The following NRXN1 variants were observed in gnomAD, a reference collection of about 807,000 sequenced individuals.
NRXN1 encodes neurexin 1.
Under a neutral mutation model 150.9 loss-of-function variants are expected in NRXN1, and 39 were observed. That is an observed-to-expected ratio of 0.26 (90% CI 0.20 to 0.34). NRXN1 has a LOEUF of 0.34. Among genes scored for constraint, NRXN1 ranks in the 10% least tolerant of loss-of-function variants. The pLI, the probability that NRXN1 is intolerant of heterozygous loss-of-function variation, is 1.00. For missense variants in NRXN1, 1,815 were observed against 1,949.9 expected (o/e 0.93, Z 1.30); for synonymous variants, 924 against 757.0 (o/e 1.22, Z -3.62).
intron 13 of NRXN1, among the ~76,000 whole-genome samples, chr2:50,504,834 G>T (rs552115539): frequency 8.5e-5 from 13 of 152,248 alleles, no homozygotes; most frequent in African/African-American, 2.9e-4. Flanking sequence ...GCACTTGCAA[G>T]AAGCAAAATA....
chr2:50,140,556 G>A (rs1004831500), intron 18 of NRXN1, among the ~76,000 whole-genome samples: 4 of 152,166 alleles, frequency 2.6e-5, no homozygotes, highest in East Asian at 1.9e-4. Context: ...AAGTATTGCC[G>A]ACAGGAGAGA....
chr2:50,829,655 C>T (rs894612844), intron 5 of NRXN1: 39 of 1,611,664 alleles, frequency 2.4e-5, no homozygotes, highest in East Asian at 8.9e-5. Flanking sequence ...TGGTACGGGA[C>T]GGCATCATAA....
rs201630518 is a variant in NRXN1, at chr2:49,922,070, G to A, written c.4398C>T (p.Asp1466=). ...AGTTACTGATGTAGTTTCGACTCTCGTCCACATGGTATGAGCCTTCATCCC... is the reference window on the plus strand; with the variant it reads ...AGTTACTGATGTAGTTTCGACTCTCATCCACATGGTATGAGCCTTCATCCC... ...RNRDEGSYHV[D]ESRNYISNSA... Residue 1466 remains aspartate (D), a synonymous_variant, in exon 23 of 23, where the codon GAC becomes GAT. Coordinates refer to ENST00000401669, the MANE Select transcript of NRXN1 (RefSeq NM_001330078.2). 1.4e-5 allele frequency: 23 copies of A among 1,613,886 alleles called. No individual in the cohort carries two copies. Among genetic ancestry groups the A allele is most frequent in the Non-Finnish European group, 1.7e-5 (20 of 1,180,010 alleles).
In NRXN1 at chr2:50,989,024, A is replaced by T. The variant is rs188474545; in HGVS notation, c.772+38478T>A. ...ATATTTTCCCCTATTTTTCTTTTTT[A>T]AAAAAAATCCAGGAACTTGCGTCCT... On this transcript the variant is annotated intron_variant, in intron 2 of 22. Coordinates refer to ENST00000401669, the MANE Select transcript of NRXN1 (RefSeq NM_001330078.2). Among the ~76,000 whole-genome samples the T allele has an allele frequency of 7.2e-3, 1,094 of 151,598 alleles. 9 individuals are homozygous for T. Among genetic ancestry groups the T allele is most frequent in the African/African-American group, 0.025 (1,032 of 41,400 alleles).
chr2:49,982,423 A>G (rs1469847512), intron 21 of NRXN1, among the ~76,000 whole-genome samples: 1 of 152,042 alleles, frequency 6.6e-6, no homozygotes, highest in Non-Finnish European at 1.5e-5. Context: ...GAAATCACCA[A>G]TAACTCTTAG....
At chr2:49,935,855 A>G (rs1670935943) in intron 22 of NRXN1, among the ~76,000 whole-genome samples, 4 of 151,984 alleles carry the variant, frequency 2.6e-5, no homozygotes, top group Admixed American at 2.6e-4. Flanking sequence ...CATAAGAGGT[A>G]AACTTACCTT....
intron 8 of NRXN1, among the ~76,000 whole-genome samples, chr2:50,557,558 G>A (rs1023411848): frequency 2.3e-4 from 35 of 152,228 alleles, no homozygotes; most frequent in African/African-American, 4.8e-4. Flanking sequence ...CCTTGTGCAA[G>A]TTCCTCAACC....
chr2:49,972,942 T>A (rs1376281702), intron 21 of NRXN1: 1 of 152,538 alleles, frequency 6.6e-6, no homozygotes, highest in Non-Finnish European at 1.5e-5. Context: ...TTGTCTCCAC[T>A]CACTCCAAGC....
At chr2:50,014,680 TG>T (rs1369157013) in intron 21 of NRXN1, among the ~76,000 whole-genome samples, 2 of 152,166 alleles carry the variant, frequency 1.3e-5, no homozygotes, top group African/African-American at 4.8e-5. Context: ...GTTGAGGACA[TG>T]GATGCTAAAT....
chr2:50,175,487 T>C (rs548618361), intron 18 of NRXN1, among the ~76,000 whole-genome samples: 170 of 152,176 alleles, frequency 1.1e-3, no homozygotes, highest in Non-Finnish European at 1.8e-3. Flanking sequence ...AATGGGTCAC[T>C]CTTAAAAATC....
intron 8 of NRXN1, among the ~76,000 whole-genome samples, chr2:50,567,143 T>G (rs1486412577): frequency 6.6e-6 from 1 of 152,300 alleles, no homozygotes; most frequent in South Asian, 2.1e-4. Flanking sequence ...AGGACCAAAT[T>G]ACCAGACTAC....
intron 2 of NRXN1, 74 bp downstream of exon 2, chr2:51,027,428 T>C: frequency 7.1e-7 from 1 of 1,415,474 alleles, no homozygotes; most frequent in Non-Finnish European, 9.2e-7. Context: ...GAAGACCCCA[T>C]GCACCAGCCC....
At chr2:50,658,332 G>C (rs1038276797) in intron 5 of NRXN1, among the ~76,000 whole-genome samples, 9 of 151,200 alleles carry the variant, frequency 6.0e-5, no homozygotes, top group Admixed American at 2.0e-4. Context: ...TCAGTGGTGA[G>C]CCTCAGAAAC....
Position 50,910,182 on chromosome 2 carries a change from C to T in NRXN1, c.832+11687G>A, listed in dbSNP as rs1160120793. On this transcript the variant is annotated intron_variant, in intron 5 of 22. Transcript: ENST00000401669. ...AAATATGTATACAAAGGATAACTGTCTTTGACTTTTTTGATCTTTCCTCCA... is the reference window on the plus strand; with the variant it reads ...AAATATGTATACAAAGGATAACTGTTTTTGACTTTTTTGATCTTTCCTCCA... Among the ~76,000 whole-genome samples, 5 of 151,932 alleles carry T rather than the reference C, an allele frequency of 3.3e-5. No homozygotes were observed. The South Asian group carries it at 1.0e-3, about 31-fold the overall frequency.
intron 17 of NRXN1, among the ~76,000 whole-genome samples, chr2:50,245,717 C>G (rs1264463612): frequency 6.6e-6 from 1 of 151,450 alleles, no homozygotes; most frequent in African/African-American, 2.4e-5. Flanking sequence ...CAAGAATTTT[C>G]TTTACTATAA....
rs1305135824 is a variant in NRXN1, at chr2:50,095,957, C to A, written c.3547-4463G>T. ...CCCCCTCCCCCCACCCCACAACAGG[C>A]CCCGGTGTGTGATGTTCCCCTTCCT... On this transcript the variant is annotated intron_variant, in intron 18 of 22. Coordinates refer to ENST00000401669, the MANE Select transcript of NRXN1 (RefSeq NM_001330078.2). Among the ~76,000 whole-genome samples the A allele has an allele frequency of 2.4e-4, 28 of 116,746 alleles. No individual in the cohort carries two copies. The Admixed American group carries it at 2.9e-3, about 12-fold the overall frequency. 76.6% of individuals were successfully genotyped at this position (116,746 alleles called of 152,430 possible).
chr2:50,792,387 T>G (rs1457578246), intron 5 of NRXN1, among the ~76,000 whole-genome samples: 1 of 152,138 alleles, frequency 6.6e-6, no homozygotes, highest in Non-Finnish European at 1.5e-5. Flanking sequence ...CCACTTTATC[T>G]CTGGTGTCTA....
chr2:50,844,344 C>G (rs1477428894), intron 5 of NRXN1, among the ~76,000 whole-genome samples: 2 of 152,190 alleles, frequency 1.3e-5, no homozygotes, highest in Admixed American at 6.5e-5. Flanking sequence ...AATAACAAAA[C>G]TTTCTTCCCT....
At position 50,347,947 on chromosome 2, in the gene NRXN1, G is replaced by C. The variant is rs531671341; in HGVS notation, c.3365-110977C>G. Among the ~76,000 whole-genome samples, 1 of 152,172 alleles carries C rather than the reference G, an allele frequency of 6.6e-6. No homozygotes were observed. The highest frequency in any genetic ancestry group is 6.5e-5 in the Admixed American group (1 of 15,280). On this transcript the variant is annotated intron_variant, in intron 17 of 22. Transcript: ENST00000401669. This position sits in a 1 kb window ranked among gnomAD's most constrained non-coding sequence, Gnocchi z 4.9. ...CATTCTCCACGCATCAAAGGGACAC[G>C]TGTAAGGCGAAACGGGAACACCTAA...
Sources: allele counts gnomAD v4.1 joint callset (sites outside exome capture counted in the v4.1 genomes callset), GRCh38; gene constraint gnomAD v4.1.1; non-coding constraint Gnocchi (gnomAD v3.1); transcripts MANE v1.5; gene names NCBI Gene and HGNC (gene_info 2026-07-23, HGNC 2026-07-21).